Variants in EXOC6B observed in about 807,000 individuals in gnomAD.
EXOC6B encodes SEC15 homolog B.
Under a neutral mutation model 113.5 loss-of-function variants are expected in EXOC6B, and 54 were observed. The ratio of observed to expected loss-of-function variants is 0.48; its 90% CI spans 0.38 to 0.60. The LOEUF (loss-of-function observed/expected upper bound fraction) is 0.60, where lower values mean the gene tolerates loss of function less well. Among genes scored for constraint, EXOC6B ranks in the 20% least tolerant of loss-of-function variants. The probability of loss-of-function intolerance (pLI) is 0.00; values close to 1 mark genes in which losing one functional copy is unlikely to be tolerated. For missense variants in EXOC6B, 797 were observed against 977.5 expected (o/e 0.82, Z 2.46); for synonymous variants, 357 against 339.0 (o/e 1.05, Z -0.58).
chr2:72,786,024 G>T (rs115037310), intron 1 of EXOC6B, among the ~76,000 whole-genome samples: 2,239 of 152,240 alleles, frequency 0.015, 74 homozygotes, highest in African/African-American at 0.052. Flanking sequence ...AGGAGTTTGA[G>T]ATCAGCCTGG....
At chr2:72,317,447 C>G (rs1687587378) in intron 20 of EXOC6B, among the ~76,000 whole-genome samples, 1 of 151,788 alleles carries the variant, frequency 6.6e-6, no homozygotes, top group Non-Finnish European at 1.5e-5. Flanking sequence ...TCAGAAAAAA[C>G]ACACAGAAAA....
At chr2:72,602,847 T>G (rs1186731384) in intron 6 of EXOC6B, among the ~76,000 whole-genome samples, 1 of 152,142 alleles carries the variant, frequency 6.6e-6, no homozygotes, top group Non-Finnish European at 1.5e-5. Flanking sequence ...TCAGTATACT[T>G]GGATCTGAAT....
At chr2:72,780,700 C>G (rs1261183605) in intron 1 of EXOC6B, among the ~76,000 whole-genome samples, 1 of 152,140 alleles carries the variant, frequency 6.6e-6, no homozygotes, top group East Asian at 1.9e-4. Flanking sequence ...GGCTATCTGA[C>G]ACCAAATTTC....
In EXOC6B at chr2:72,611,025, C is replaced by G. The variant is rs79894718; in HGVS notation, c.670-35357G>C. 4.8e-3 allele frequency among the ~76,000 whole-genome samples: 728 copies of G among 152,136 alleles called. 4 individuals are homozygous for G. The highest frequency in any genetic ancestry group is 0.016 in the African/African-American group (670 of 41,486). ...TCCCACTCTAATAATAAGAAAAGCA[C>G]CAGATAAACCCAGAGTGGGAGACAT... On this transcript the variant is annotated intron_variant, in intron 6 of 21. Coordinates refer to ENST00000272427, the MANE Select transcript of EXOC6B (RefSeq NM_015189.3).
At chr2:72,460,581 T>G (rs1194541360) in intron 18 of EXOC6B, among the ~76,000 whole-genome samples, 1 of 152,034 alleles carries the variant, frequency 6.6e-6, no homozygotes, top group Non-Finnish European at 1.5e-5. Flanking sequence ...AGAAGACATT[T>G]ATGCAGCCAG....
chr2:72,562,287 CTAAA>C (rs1480028301), intron 7 of EXOC6B, among the ~76,000 whole-genome samples: 1 of 152,012 alleles, frequency 6.6e-6, no homozygotes, highest in Non-Finnish European at 1.5e-5. Context: ...TTTCAAAAAT[CTAAA>C]TAAAAAGGGG....
intron 19 of EXOC6B, among the ~76,000 whole-genome samples, chr2:72,351,958 C>G (rs1689675485): frequency 6.6e-6 from 1 of 152,130 alleles, no homozygotes; most frequent in Admixed American, 6.6e-5. Flanking sequence ...TTTTAGTCCT[C>G]TAATTTAAGA....
At chr2:72,794,270 C>T (rs1403996175) in intron 1 of EXOC6B, among the ~76,000 whole-genome samples, 1 of 152,172 alleles carries the variant, frequency 6.6e-6, no homozygotes. Flanking sequence ...TCACATGAGT[C>T]TCCAACTGGC....
At chr2:72,541,094 T>C (rs1262971756) in intron 8 of EXOC6B, among the ~76,000 whole-genome samples, 1 of 152,212 alleles carries the variant, frequency 6.6e-6, no homozygotes, top group African/African-American at 2.4e-5. Flanking sequence ...AATTGAATCA[T>C]GGAGGCTGGT....
intron 18 of EXOC6B, among the ~76,000 whole-genome samples, chr2:72,461,213 TG>T (rs1479503120): frequency 4.2e-4 from 20 of 47,874 alleles, no homozygotes; most frequent in Non-Finnish European, 6.2e-4. Context: ...TGTTGTGGGG[TG>T]GGGGGAGGGG....
chr2:72,497,900 A>T (rs1032375892), intron 13 of EXOC6B, among the ~76,000 whole-genome samples: 1 of 152,212 alleles, frequency 6.6e-6, no homozygotes, highest in Non-Finnish European at 1.5e-5. Flanking sequence ...GTGACAGAAT[A>T]ACTTTCTTAT....
At chr2:72,581,036 C>T (rs909147558) in intron 6 of EXOC6B, among the ~76,000 whole-genome samples, 4 of 152,144 alleles carry the variant, frequency 2.6e-5, no homozygotes, top group African/African-American at 9.7e-5. Flanking sequence ...ATATCAACTC[C>T]GCAGGCTAAG....
chr2:72,249,328 C>A (rs746918730), intron 20 of EXOC6B, among the ~76,000 whole-genome samples: 1 of 152,082 alleles, frequency 6.6e-6, no homozygotes, highest in African/African-American at 2.4e-5. Flanking sequence ...GGTGCAATCT[C>A]GGCTAACTGC....
rs1249505714 is a variant in EXOC6B at position 72,672,504 on chromosome 2, G to A, written c.669+45599C>T. 3.5e-4 allele frequency among the ~76,000 whole-genome samples: 51 copies of A among 145,352 alleles called. 1 individual carries two copies. Among genetic ancestry groups the A allele is most frequent in the African/African-American group, 1.2e-3 (48 of 38,914 alleles). On this transcript the variant is annotated intron_variant, in intron 6 of 21. Transcript: ENST00000272427. ...GGAGCTTGCAGTGAGTCGAGATCGCGCCACTGCACTCCAGCCTGGGGGACA... is the reference window on the plus strand; with the variant it reads ...GGAGCTTGCAGTGAGTCGAGATCGCACCACTGCACTCCAGCCTGGGGGACA...
chr2:72,282,717 T>C (rs1685202247), intron 20 of EXOC6B, among the ~76,000 whole-genome samples: 1 of 151,960 alleles, frequency 6.6e-6, no homozygotes, highest in African/African-American at 2.4e-5. Context: ...AATAAAATGA[T>C]GGAAAAACAC....
chr2:72,492,001 T>C (rs1699767513), intron 16 of EXOC6B, among the ~76,000 whole-genome samples: 1 of 152,190 alleles, frequency 6.6e-6, no homozygotes, highest in Admixed American at 6.5e-5. Context: ...TGGAACCTGA[T>C]GCTCAATATA....
At chr2:72,652,739 T>C (rs1013422785) in intron 6 of EXOC6B, among the ~76,000 whole-genome samples, 6 of 148,158 alleles carry the variant, frequency 4.0e-5, no homozygotes. Context: ...ATAATTATAC[T>C]CTATATCTAA....
chr2:72,509,191 G>T (rs1013628859), intron 11 of EXOC6B, among the ~76,000 whole-genome samples: 2 of 152,204 alleles, frequency 1.3e-5, no homozygotes, highest in Admixed American at 1.3e-4. Context: ...TGAGGACAGA[G>T]TGAGAAGGCA....
intron 6 of EXOC6B, among the ~76,000 whole-genome samples, chr2:72,692,893 T>C (rs1439073166): frequency 6.6e-6 from 1 of 152,170 alleles, no homozygotes; most frequent in Admixed American, 6.5e-5. Context: ...TCAATACTAA[T>C]ATCCTCTGGG....
Sources: gnomAD v4.1 joint callset for allele counts (sites outside exome capture counted in the v4.1 genomes callset) on GRCh38, gnomAD v4.1.1 for gene constraint, MANE v1.5 for transcripts, NCBI Gene and HGNC (gene_info 2026-07-23, HGNC 2026-07-21) for gene names.